The following TAF2 variants were observed in gnomAD, a reference collection of about 807,000 sequenced individuals.
The protein encoded by TAF2 is transcription initiation factor TFIID subunit 2.
In TAF2, 61 loss-of-function variants were observed where a neutral mutation model predicts 138.5. The observed-to-expected ratio is 0.44, with a 90% confidence interval of 0.36 to 0.54. TAF2 has a LOEUF of 0.54. TAF2 is among the 20% of genes least tolerant of loss of function. The pLI is 0.00. For synonymous variants in TAF2, 475 were observed against 469.9 expected (o/e 1.01, Z -0.14); for missense variants, 1,090 against 1,427.9 (o/e 0.76, Z 3.81).
chr8:119,783,008 G>GACACAC (rs35199230), intron 16 of TAF2, among the ~76,000 whole-genome samples: 3 of 150,324 alleles, frequency 2.0e-5, no homozygotes, highest in African/African-American at 7.3e-5. Flanking sequence ...CACACCCACA[G>GACACAC]ACACACACAC....
intron 2 of TAF2, among the ~76,000 whole-genome samples, chr8:119,827,272 A>T (rs1826161929): frequency 6.6e-6 from 1 of 152,134 alleles, no homozygotes; most frequent in South Asian, 2.1e-4. Context: ...TTTCTCCCTG[A>T]TGCTCACTTC....
At chr8:119,831,140 T>C (rs1826419530) in intron 2 of TAF2, among the ~76,000 whole-genome samples, 1 of 152,052 alleles carries the variant, frequency 6.6e-6, no homozygotes, top group Non-Finnish European at 1.5e-5. Flanking sequence ...AACTTGAATG[T>C]TCAAGCTTTT....
chr8:119,752,973 T>C (rs529626804), intron 22 of TAF2, among the ~76,000 whole-genome samples: 1 of 152,306 alleles, frequency 6.6e-6, no homozygotes, highest in Non-Finnish European at 1.5e-5. Flanking sequence ...CCAGCGGATT[T>C]GGGGACTTAA....
rs1409237059 is a variant in TAF2 at position 119,758,109 on chromosome 8, A to T, written c.2732T>A (p.Leu911His). 6.2e-7 allele frequency: 1 copy of T among 1,613,318 alleles called. No individual in the cohort carries two copies. Among genetic ancestry groups the T allele is most frequent in the Non-Finnish European group, 8.5e-7 (1 of 1,179,684 alleles). ...TACAGGGTCATTCTGAATCATATTA[A>T]GTAGCCATTGCAGTTCTTCATAACT... is the stretch of plus-strand genomic sequence containing the variant. ...DRSYEELQWL[L>H]NMIQNDPVPY... Residue 911 changes from leucine to histidine, a missense_variant, in exon 21 of 26, where the codon CTT becomes CAT. By Grantham distance (99) the Leu-to-His change is moderately conservative. This residue lies in a region of TAF2 where 580 missense variants were observed against 719.6 expected (regional missense o/e 0.81). Transcript: ENST00000378164.
chr8:119,816,117 C>T (rs968600211), intron 3 of TAF2, among the ~76,000 whole-genome samples: 3 of 144,248 alleles, frequency 2.1e-5, no homozygotes, highest in Non-Finnish European at 4.5e-5. Flanking sequence ...GTGGCGCGAT[C>T]TCGGCTCACT....
chr8:119,734,266 A>AATATATT (rs1819071031), intron 25 of TAF2, among the ~76,000 whole-genome samples: 1 of 152,120 alleles, frequency 6.6e-6, no homozygotes, highest in Non-Finnish European at 1.5e-5. Context: ...TTTCTGAAAA[A>AATATATT]ATATATTATA....
rs76061839 is a variant in TAF2, at chr8:119,807,023, C to A, written c.300-622G>T. ...TTTTTTGATACAAATGTAAAGAATA[C>A]GTGAAGCACTGAATAAATAATTATT... On this transcript the variant is annotated intron_variant, in intron 3 of 25. Transcript: ENST00000378164. Among the ~76,000 whole-genome samples the A allele has an allele frequency of 1.6e-3, 237 of 152,170 alleles. No individual in the cohort carries two copies. In the East Asian group the frequency reaches 0.031, roughly 20 times the overall value.
intron 3 of TAF2, among the ~76,000 whole-genome samples, chr8:119,814,029 T>C (rs1187145913): frequency 1.3e-5 from 2 of 152,010 alleles, no homozygotes; most frequent in Admixed American, 6.6e-5. Flanking sequence ...GAAGCTAAGG[T>C]AGATGATGGC....
intron 16 of TAF2, 27 bp downstream of exon 16, chr8:119,783,354 T>C (rs763778860): frequency 3.1e-6 from 5 of 1,609,636 alleles, no homozygotes; most frequent in Non-Finnish European, 4.2e-6. Flanking sequence ...ACAATAGTCA[T>C]TTCCTTTATG....
Position 119,746,732 on chromosome 8 carries a change from G to A in TAF2, c.3081C>T (p.His1027=), listed in dbSNP as rs1348615469. 1 of 1,614,140 alleles carries A rather than the reference G, an allele frequency of 6.2e-7. No homozygotes were observed. The highest frequency in any genetic ancestry group is 2.2e-5 in the East Asian group (1 of 44,874). The change falls in exon 23 of 26, where the codon CAC becomes CAT. Residue 1027 remains histidine (H), a synonymous_variant. Transcript: ENST00000378164. Reference sequence around the variant, plus strand: ...GGTTCTGAAATCCAACTAGCTGTGGGTGACTGCTTGGATTATTTGCAGCTT... The same window carrying A: ...GGTTCTGAAATCCAACTAGCTGTGGATGACTGCTTGGATTATTTGCAGCTT... ...NQEAANNPSS[H]PQLVGFQNPF... is the part of the protein sequence containing the mutation.
At chr8:119,786,637 A>G (rs1823030062) in intron 14 of TAF2, among the ~76,000 whole-genome samples, 1 of 152,200 alleles carries the variant, frequency 6.6e-6, no homozygotes, top group Non-Finnish European at 1.5e-5. Context: ...TTAGGTATAC[A>G]TAGGCCGGGC....
intron 2 of TAF2, among the ~76,000 whole-genome samples, chr8:119,820,173 C>T (rs1825731289): frequency 6.6e-6 from 1 of 152,116 alleles, no homozygotes; most frequent in South Asian, 2.1e-4. Context: ...TGCCCACCAC[C>T]CTCTTGTATT....
chr8:119,819,598 C>A lies in TAF2; in HGVS notation c.139-92G>T, dbSNP rs1179334482. The A allele has an allele frequency of 2.8e-6, 3 of 1,061,240 alleles. No individual in the cohort carries two copies. The South Asian group carries it at 3.8e-5, about 14-fold the overall frequency. 65.7% of individuals were successfully genotyped at this position (1,061,240 alleles called of 1,614,324 possible). A position where few individuals can be genotyped will look rare whatever the true frequency, so the allele number is the denominator to read the frequency against. ...TTTTACCACTTGTACACATATTATA[C>A]TACAGAGACAAAATCCCTAATAGCT... On this transcript the variant is annotated intron_variant, in intron 2 of 25. Transcript: ENST00000378164.
chr8:119,745,343 C>A (rs1356762112), intron 23 of TAF2, among the ~76,000 whole-genome samples: 1 of 150,902 alleles, frequency 6.6e-6, no homozygotes, highest in African/African-American at 2.4e-5. Context: ...ATAAATATAT[C>A]AATTTTCACA....
Position 119,803,947 on chromosome 8 carries a change from G to T in TAF2, c.491C>A (p.Pro164His). 6.2e-7 allele frequency: 1 copy of T among 1,613,850 alleles called. No homozygotes were observed. Among genetic ancestry groups the T allele is most frequent in the Non-Finnish European group, 8.5e-7 (1 of 1,179,950 alleles). Residue 164 changes from proline to histidine, a missense_variant, in exon 5 of 26, where the codon CCC (proline) becomes CAC (histidine). By Grantham distance (77) the Pro-to-His change is moderately conservative. Coordinates refer to ENST00000378164, the MANE Select transcript of TAF2 (RefSeq NM_003184.4). ...CTCTGCCATACTTCCCTCTACACTG[G>T]GTACCACAAAATGAAGACCTCCTTT... ...QPKGGLHFVV[P>H]SVEGSMAERG...
chr8:119,781,332 T>A, intron 16 of TAF2, 139 bp from the exon 17 acceptor site: 1 of 1,053,990 alleles, frequency 9.5e-7, no homozygotes, highest in Non-Finnish European at 1.4e-6. Flanking sequence ...TTATAACAAT[T>A]TAGCATTTTA....
At position 119,826,801 on chromosome 8, in the gene TAF2, C is replaced by T. The variant is rs983249481; in HGVS notation, c.138+4876G>A. ...AGAGACGGGGTTTCACCATGTTGGC[C>T]GGTCTGGTCTCAAACTCCTGACCTT... On this transcript the variant is annotated intron_variant, in intron 2 of 25. Transcript: ENST00000378164. 4.6e-5 allele frequency among the ~76,000 whole-genome samples: 7 copies of T among 152,108 alleles called. No individual in the cohort carries two copies. The South Asian group carries it at 1.2e-3, about 27-fold the overall frequency.
intron 15 of TAF2, 73 bp from the exon 16 acceptor site, chr8:119,783,706 A>G (rs1822830714): frequency 2.0e-6 from 3 of 1,487,868 alleles, no homozygotes; most frequent in Non-Finnish European, 2.7e-6. Context: ...AAATAAATAC[A>G]AAGCATTTAT....
intron 18 of TAF2, chr8:119,767,134 T>A (rs1413185740): frequency 6.6e-6 from 1 of 152,214 alleles, no homozygotes; most frequent in East Asian, 1.9e-4. Flanking sequence ...GTGATTGATA[T>A]AACTTTGTGG....
Sources: allele counts gnomAD v4.1 joint callset (sites outside exome capture counted in the v4.1 genomes callset), GRCh38; gene constraint gnomAD v4.1.1; regional missense constraint gnomAD v4.1.1; transcripts MANE v1.5; gene names NCBI Gene and HGNC (gene_info 2026-07-23, HGNC 2026-07-21).